Variants in ZNF487 observed in about 807,000 individuals in gnomAD.
ZNF487 encodes the protein zinc finger protein 487.
In ZNF487, 4 loss-of-function variants were observed where a neutral mutation model predicts 3.0. The observed-to-expected ratio is 1.35, with a 90% CI of 0.66 to 3.08. The LOEUF (loss-of-function observed/expected upper bound fraction) is 3.08, where lower values mean the gene tolerates loss of function less well. ZNF487 is among the 30% of genes most tolerant of loss of function. The pLI is 0.01. For synonymous variants in ZNF487, 55 were observed against 34.6 expected (o/e 1.59, Z -2.06); for missense variants, 146 against 98.7 (o/e 1.48, Z -2.03).
chr10:43,440,340 G>A (rs2132028377), intron 1 of ZNF487, among the ~76,000 whole-genome samples: 1 of 151,472 alleles, frequency 6.6e-6, no homozygotes, highest in South Asian at 2.1e-4. Flanking sequence ...GTGAACCACT[G>A]TGCCCTGCCT....
downstream of ZNF487, among the ~76,000 whole-genome samples, chr10:43,483,933 C>T (rs551502363): frequency 1.4e-4 from 21 of 152,222 alleles, no homozygotes; most frequent in Admixed American, 2.0e-4. Flanking sequence ...CTCACTGCAA[C>T]GTCCGCCTCC....
chr10:43,491,737 A>T, the ZNF487 span, among the ~76,000 whole-genome samples: 1 of 151,740 alleles, frequency 6.6e-6, no homozygotes, highest in Non-Finnish European at 1.5e-5. Flanking sequence ...TGAATTTGGG[A>T]CCAATATCTC....
chr10:43,516,263 T>G, the ZNF487 span, among the ~76,000 whole-genome samples: 49 of 152,292 alleles, frequency 3.2e-4, no homozygotes, highest in African/African-American at 1.1e-3. Flanking sequence ...ATCTAAACAG[T>G]TCATGCCAAG....
the ZNF487 span, among the ~76,000 whole-genome samples, chr10:43,511,880 T>A: frequency 6.6e-6 from 1 of 152,188 alleles, no homozygotes; most frequent in African/African-American, 2.4e-5. Context: ...TTTTGACCAC[T>A]GAGAGAGATC....
At chr10:43,484,621 G>T (rs1451095684), downstream of ZNF487, among the ~76,000 whole-genome samples, 1 of 151,920 alleles carries the variant, frequency 6.6e-6, no homozygotes, top group Non-Finnish European at 1.5e-5. Context: ...AAAAAGTTTC[G>T]TGATTTCTTT....
chr10:43,461,401 C>T lies in ZNF487; in HGVS notation c.-93-14320C>T, dbSNP rs557029653. ...GTGTGATGATCATAACTCACCTCTC[C>T]CTTGAACTCCTGGGCTCAAGCAATC... is the stretch of plus-strand genomic sequence containing the variant. On this transcript the variant is annotated intron_variant, in intron 1 of 3. Transcript: ENST00000437590. Among the ~76,000 whole-genome samples the T allele has an allele frequency of 2.6e-5, 4 of 152,104 alleles. 1 individual carries two copies. In the South Asian group the frequency reaches 8.3e-4, roughly 32 times the overall value.
intron 1 of ZNF487, among the ~76,000 whole-genome samples, chr10:43,460,990 G>A (rs150289738): frequency 3.8e-4 from 58 of 151,632 alleles, no homozygotes; most frequent in African/African-American, 1.2e-3. Flanking sequence ...TATCACACCC[G>A]GCCTCTTCTA....
At chr10:43,450,584 A>T (rs908264027) in intron 1 of ZNF487, among the ~76,000 whole-genome samples, 1 of 152,138 alleles carries the variant, frequency 6.6e-6, no homozygotes, top group Non-Finnish European at 1.5e-5. Context: ...TCCTGACCTC[A>T]GGTGATCTGC....
chr10:43,505,249 A>G, the ZNF487 span, among the ~76,000 whole-genome samples: 1 of 151,070 alleles, frequency 6.6e-6, no homozygotes, highest in Non-Finnish European at 1.5e-5. Flanking sequence ...TTTCTCCTAT[A>G]TAGCTCTGTC....
At chr10:43,448,349 C>T (rs953495169) in intron 1 of ZNF487, among the ~76,000 whole-genome samples, 4 of 151,840 alleles carry the variant, frequency 2.6e-5, no homozygotes, top group Admixed American at 2.0e-4. Context: ...TCCAATATAA[C>T]CTGGTCCCTG....
the ZNF487 span, among the ~76,000 whole-genome samples, chr10:43,506,949 T>A: frequency 6.6e-6 from 1 of 152,298 alleles, no homozygotes; most frequent in Middle Eastern, 3.4e-3. Context: ...GATAACTGGC[T>A]CCATGATACA....
the ZNF487 span, among the ~76,000 whole-genome samples, chr10:43,490,823 C>T: frequency 2.7e-4 from 40 of 147,282 alleles, no homozygotes; most frequent in African/African-American, 8.0e-4. Flanking sequence ...TACAGGCATG[C>T]ACCTCTATGC....
At chr10:43,463,182 C>T (rs1015472666) in intron 1 of ZNF487, among the ~76,000 whole-genome samples, 3 of 151,128 alleles carry the variant, frequency 2.0e-5, no homozygotes, top group African/African-American at 7.3e-5. Context: ...TGCGGTGAGC[C>T]GAGTTCACGC....
At chr10:43,476,048 G>A (rs1438191835) in intron 2 of ZNF487, 59 bp from the exon 3 acceptor site, 1 of 707,686 alleles carries the variant, frequency 1.4e-6, no homozygotes, top group Non-Finnish European at 2.6e-6. Context: ...TTTTGTGCAG[G>A]CACACCTTTG....
At chr10:43,506,455 G>A in the ZNF487 span, among the ~76,000 whole-genome samples, 23 of 152,074 alleles carry the variant, frequency 1.5e-4, no homozygotes, top group Admixed American at 1.5e-3. Context: ...TGTGAGCTGT[G>A]ATAATGCCAC....
chr10:43,506,097 C>T, the ZNF487 span, among the ~76,000 whole-genome samples: 1,303 of 152,290 alleles, frequency 8.6e-3, 12 homozygotes, highest in Middle Eastern at 0.031. Context: ...TTTCACTTTG[C>T]CGTGAAGGAT....
the ZNF487 span, among the ~76,000 whole-genome samples, chr10:43,517,539 C>G: frequency 1.3e-5 from 2 of 152,324 alleles, no homozygotes; most frequent in South Asian, 2.1e-4. Flanking sequence ...TGCCCATGAG[C>G]CCCTGACGCA....
chr10:43,498,751 G>A, the ZNF487 span, among the ~76,000 whole-genome samples: 1 of 151,758 alleles, frequency 6.6e-6, no homozygotes, highest in Non-Finnish European at 1.5e-5. Flanking sequence ...GACCATCCTG[G>A]CTAACATGGA....
chr10:43,460,833 C>T (rs980102577), intron 1 of ZNF487, among the ~76,000 whole-genome samples: 1 of 151,622 alleles, frequency 6.6e-6, no homozygotes, highest in African/African-American at 2.4e-5. Context: ...TCTGGGATTA[C>T]AGGCAGGCAC....
Sources: allele counts gnomAD v4.1 joint callset (sites outside exome capture counted in the v4.1 genomes callset), GRCh38; gene constraint gnomAD v4.1.1; transcripts MANE v1.5; gene names NCBI Gene and HGNC (gene_info 2026-07-23, HGNC 2026-07-21).